U2AF2: variants seen among roughly 807,000 people sequenced by gnomAD.
U2AF2 encodes the protein U2 small nuclear RNA auxiliary factor 2, also known as splicing factor U2AF 65 kDa subunit.
Under a neutral mutation model 52.6 loss-of-function variants are expected in U2AF2, and 6 were observed. The observed-to-expected ratio is 0.11, with a 90% confidence interval of 0.06 to 0.23. U2AF2 has a LOEUF of 0.23. Among genes scored for constraint, U2AF2 ranks in the 10% least tolerant of loss-of-function variants. The pLI is 1.00. For synonymous variants in U2AF2, 284 were observed against 258.2 expected (o/e 1.10, Z -0.96); for missense variants, 222 against 677.1 (o/e 0.33, Z 7.46).
chr19:55,672,333 T>TC (rs1182185546), intron 11 of U2AF2, among the ~76,000 whole-genome samples: 1 of 152,148 alleles, frequency 6.6e-6, no homozygotes, highest in African/African-American at 2.4e-5. Flanking sequence ...AGCTTATTTC[T>TC]CCCCCCTCCT....
At chr19:55,657,200 T>TG (rs1229986234) in intron 1 of U2AF2, among the ~76,000 whole-genome samples, 3 of 152,228 alleles carry the variant, frequency 2.0e-5, no homozygotes, top group Non-Finnish European at 4.4e-5. Flanking sequence ...CCCTGAGACC[T>TG]GGCACGGCTC....
chr19:55,664,693 C>T (rs529241797), intron 7 of U2AF2, among the ~76,000 whole-genome samples: 2 of 152,284 alleles, frequency 1.3e-5, no homozygotes, highest in South Asian at 2.1e-4. Flanking sequence ...GGCTAGGTCC[C>T]TCACTGGCCT....
intron 5 of U2AF2, 142 bp downstream of exon 5, chr19:55,661,331 G>C: frequency 1.1e-6 from 1 of 951,866 alleles, no homozygotes; most frequent in Non-Finnish European, 1.4e-6. Context: ...CGGACCGATG[G>C]AGTTGAGCCA....
Position 55,668,382 on chromosome 19 carries a change from C to A in U2AF2, c.743-125C>A, listed in dbSNP as rs886726382. Reference sequence around the variant, plus strand: ...CTGGGGTGGGGTGGGCACGTGGCGACCCCTCCCTCGTCAGATCAGGCAGGA... The same window carrying A: ...CTGGGGTGGGGTGGGCACGTGGCGAACCCTCCCTCGTCAGATCAGGCAGGA... On this transcript the variant is annotated intron_variant, in intron 7 of 11. Transcript: ENST00000308924. This position sits in a 1 kb window ranked among gnomAD's most constrained non-coding sequence, Gnocchi z 5.5. The A allele has an allele frequency of 2.1e-6, 2 of 955,898 alleles. No homozygotes were observed. The highest frequency in any genetic ancestry group is 3.0e-6 in the Non-Finnish European group (2 of 659,750). The allele number at this position is 955,898 out of a possible 1,614,324, so 59.2% of individuals were successfully genotyped here. A position where few individuals can be genotyped will look rare whatever the true frequency, so the allele number is the denominator to read the frequency against.
intron 11 of U2AF2, 40 bp from the exon 12 acceptor site, chr19:55,673,894 G>A (rs1208616803): frequency 4.4e-6 from 7 of 1,585,306 alleles, no homozygotes; most frequent in African/African-American, 4.0e-5. Context: ...GCTGTTGGGC[G>A]TGAGCCTTGT....
At chr19:55,658,658 G>A (rs1053724326) in intron 1 of U2AF2, among the ~76,000 whole-genome samples, 2 of 152,134 alleles carry the variant, frequency 1.3e-5, no homozygotes, top group Non-Finnish European at 2.9e-5. Flanking sequence ...CTTCCCCTGG[G>A]AAGGGTGCTT....
At chr19:55,667,627 TTCC>T (rs1984625954) in intron 7 of U2AF2, among the ~76,000 whole-genome samples, 1 of 152,158 alleles carries the variant, frequency 6.6e-6, no homozygotes, top group Non-Finnish European at 1.5e-5. Context: ...CAGCCCACAG[TTCC>T]CAGTGAGATC....
chr19:55,655,786 A>G (rs1983754876), intron 1 of U2AF2, among the ~76,000 whole-genome samples: 1 of 152,204 alleles, frequency 6.6e-6, no homozygotes, highest in South Asian at 2.1e-4. Context: ...GGGGCGCCTC[A>G]TATTAACGTG....
intron 5 of U2AF2, chr19:55,662,115 C>T: frequency 5.8e-6 from 1 of 172,192 alleles, no homozygotes. Flanking sequence ...ACTGGGTGGC[C>T]CTTCCTGTGT....
At chr19:55,658,279 C>T (rs779508405) in intron 1 of U2AF2, among the ~76,000 whole-genome samples, 2 of 151,964 alleles carry the variant, frequency 1.3e-5, no homozygotes, top group Non-Finnish European at 2.9e-5. Context: ...AATGGTGTGG[C>T]GGTGCTCATG....
chr19:55,656,468 T>G, intron 1 of U2AF2, among the ~76,000 whole-genome samples: 1 of 152,190 alleles, frequency 6.6e-6, no homozygotes, highest in African/African-American at 2.4e-5. Context: ...CTTTGTCGTT[T>G]AGTAACTGCT....
intron 3 of U2AF2, 69 bp downstream of exon 3, chr19:55,660,290 C>G: frequency 6.5e-7 from 1 of 1,540,752 alleles, no homozygotes; most frequent in Non-Finnish European, 8.8e-7. Context: ...CCCGTGCACC[C>G]TGTCCCGCCC....
chr19:55,673,600 C>G (rs1196710534), intron 11 of U2AF2, among the ~76,000 whole-genome samples: 1 of 152,016 alleles, frequency 6.6e-6, no homozygotes, highest in Non-Finnish European at 1.5e-5. Flanking sequence ...CATGGTGGCT[C>G]GTGTGGAGTA....
chr19:55,655,362 C>G (rs966669342), intron 1 of U2AF2, among the ~76,000 whole-genome samples: 1 of 152,190 alleles, frequency 6.6e-6, no homozygotes, highest in African/African-American at 2.4e-5. Context: ...GGCGCGGGCC[C>G]GTGACGCATG....
At chr19:55,663,469 C>T in intron 6 of U2AF2, 137 bp from the exon 7 acceptor site, 3 of 1,349,796 alleles carry the variant, frequency 2.2e-6, no homozygotes, top group Non-Finnish European at 3.0e-6. Flanking sequence ...GTTGTACTCC[C>T]AGTGCCCAGC....
intron 1 of U2AF2, among the ~76,000 whole-genome samples, chr19:55,655,700 C>G (rs1006984563): frequency 1.3e-5 from 2 of 152,190 alleles, no homozygotes; most frequent in African/African-American, 2.4e-5. Context: ...ACGGGCCCCT[C>G]GCGTACCCCT....
intron 3 of U2AF2, 94 bp downstream of exon 3, chr19:55,660,315 C>T: frequency 1.3e-5 from 18 of 1,437,660 alleles, no homozygotes; most frequent in Non-Finnish European, 1.7e-5. Context: ...CCAGCCCTGG[C>T]CCAAGCACTG....
intron 11 of U2AF2, 32 bp from the exon 12 acceptor site, chr19:55,673,902 T>C: frequency 1.3e-6 from 2 of 1,594,200 alleles, no homozygotes; most frequent in Non-Finnish European, 1.7e-6. Context: ...GCGTGAGCCT[T>C]GTTCACAAAC....
rs962498415 is a variant in U2AF2 at position 55,663,665 on chromosome 19, C to A, written c.663C>A (p.Gly221=). 13 of 1,614,046 alleles carry A rather than the reference C, an allele frequency of 8.1e-6. No individual in the cohort carries two copies. In the Admixed American group the frequency reaches 1.8e-4, roughly 23 times the overall value. Residue 221 remains glycine (G), a synonymous_variant, in exon 7 of 12, where the codon GGC becomes GGA. Coordinates refer to ENST00000308924, the MANE Select transcript of U2AF2 (RefSeq NM_007279.3). Reference sequence around the variant, plus strand: ...CCTTTGATGGCATCATCTTCCAGGGCCAGTCACTAAAGATCCGCAGGCCTC... The same window carrying A: ...CCTTTGATGGCATCATCTTCCAGGGACAGTCACTAAAGATCCGCAGGCCTC... ...AMAFDGIIFQ[G]QSLKIRRPHD...
Sources: gnomAD v4.1 joint callset for allele counts (sites outside exome capture counted in the v4.1 genomes callset) on GRCh38, gnomAD v4.1.1 for gene constraint, Gnocchi (gnomAD v3.1) non-coding constraint, MANE v1.5 for transcripts, NCBI Gene and HGNC (gene_info 2026-07-23, HGNC 2026-07-21) for gene names.